Variants in LPP observed in about 807,000 individuals in gnomAD.
The protein encoded by LPP is lipoma-preferred partner.
A neutral mutation model predicts 60.4 loss-of-function variants in LPP; 38 were observed. That is an observed-to-expected ratio of 0.63 (90% confidence interval 0.49 to 0.83). The LOEUF (loss-of-function observed/expected upper bound fraction) is 0.83, where lower values mean the gene tolerates loss of function less well. Among genes scored for constraint, LPP ranks in the 40% least tolerant of loss-of-function variants. LPP has a pLI of 0.00. For missense variants in LPP, 902 were observed against 783.6 expected, an observed-to-expected ratio of 1.15 and a Z score of -1.80; for synonymous variants, 328 against 290.8, an observed-to-expected ratio of 1.13 and a Z score of -1.30.
intron 2 of LPP, chr3:188,240,307 T>A (rs565319371): frequency 6.0e-6 from 1 of 167,546 alleles, no homozygotes; most frequent in African/African-American, 2.4e-5. Flanking sequence ...CTAACAAGGT[T>A]GTTGACTGCA....
intron 2 of LPP, among the ~76,000 whole-genome samples, chr3:188,227,494 A>C (rs1173389638): frequency 6.6e-6 from 1 of 151,828 alleles, no homozygotes; most frequent in Non-Finnish European, 1.5e-5. Flanking sequence ...TTTTGTTGGG[A>C]GTGGCTTCCG....
chr3:188,876,211 C>T lies in LPP; in HGVS notation c.*1732C>T, dbSNP rs772514879. On this transcript the variant is annotated 3_prime_UTR_variant, in exon 12 of 12. Coordinates refer to ENST00000617246, the MANE Select transcript of LPP (RefSeq NM_001375462.1). ...TACGTGTTTTGAATTGCAAACTATTCCTCAGGAATTCCAATTAAATTTATT... is the reference window on the plus strand; with the variant it reads ...TACGTGTTTTGAATTGCAAACTATTTCTCAGGAATTCCAATTAAATTTATT... 5.4e-6 allele frequency: 1 copy of T among 186,126 alleles called. No individual in the cohort carries two copies. The highest frequency in any genetic ancestry group is 2.3e-5 in the African/African-American group (1 of 42,596). The allele number at this position is 186,126 out of a possible 1,614,324, so 11.5% of individuals were successfully genotyped here.
intron 3 of LPP, among the ~76,000 whole-genome samples, chr3:188,361,545 C>CCTCT (rs1560296422): frequency 1.6e-3 from 105 of 64,624 alleles, no homozygotes; most frequent in East Asian, 0.011. Flanking sequence ...TCCTCTCCTC[C>CCTCT]CCTCTCCTCT....
chr3:188,292,794 G>A (rs1433388037), intron 2 of LPP, among the ~76,000 whole-genome samples: 1 of 152,174 alleles, frequency 6.6e-6, no homozygotes. Flanking sequence ...TTATAAGGAG[G>A]CAGAAAGTGT....
chr3:188,622,476 T>C lies in LPP; in HGVS notation c.1113+12632T>C, dbSNP rs78817760. On this transcript the variant is annotated intron_variant, in intron 7 of 11. Coordinates refer to ENST00000617246, the MANE Select transcript of LPP (RefSeq NM_001375462.1). ...TATGGCATTACCACAGCCAAGCATA[T>C]ATTAGTTTCATAGTAATTTCTAGGG... Among the ~76,000 whole-genome samples, 803 of 152,294 alleles carry C rather than the reference T, an allele frequency of 5.3e-3. 2 individuals are homozygous for C. The highest frequency in any genetic ancestry group is 0.01 in the Middle Eastern group (3 of 294).
At chr3:188,573,746 C>T (rs562807726) in intron 6 of LPP, among the ~76,000 whole-genome samples, 87 of 151,914 alleles carry the variant, frequency 5.7e-4, no homozygotes, top group African/African-American at 1.9e-3. Flanking sequence ...CTTGGGGTTG[C>T]GGGGTATAGA....
chr3:188,264,715 C>T (rs1734844193), intron 2 of LPP, among the ~76,000 whole-genome samples: 3 of 152,138 alleles, frequency 2.0e-5, no homozygotes, highest in South Asian at 2.1e-4. Context: ...ATCGTTCTTT[C>T]GTCATTGTCC....
intron 9 of LPP, among the ~76,000 whole-genome samples, chr3:188,833,744 G>C (rs1223655520): frequency 6.6e-6 from 1 of 151,914 alleles, no homozygotes; most frequent in East Asian, 1.9e-4. Context: ...GAACCACCAA[G>C]AATTAAATTA....
At chr3:188,284,280 A>T (rs1236212509) in intron 2 of LPP, among the ~76,000 whole-genome samples, 1 of 152,022 alleles carries the variant, frequency 6.6e-6, no homozygotes, top group Non-Finnish European at 1.5e-5. Context: ...GGAAGTATTT[A>T]CTCAGAGAAA....
intron 11 of LPP, among the ~76,000 whole-genome samples, chr3:188,873,744 C>A (rs940181756): frequency 4.6e-5 from 7 of 152,154 alleles, no homozygotes. Context: ...CCTGGACTAG[C>A]AATCTTTGCT....
rs114659416 is a variant in LPP at position 188,884,853 on chromosome 3, C to G, written c.*10374C>G. On this transcript the variant is annotated 3_prime_UTR_variant, in exon 12 of 12. Transcript: ENST00000617246. The stretch of plus-strand genomic sequence containing the variant: ...CTGCAACAGGCATTTCCGATAGAGC[C>G]GATCCATGAGCTAACAATGTCTGAA... The G allele has an allele frequency of 3.5e-5, 8 of 225,534 alleles. No homozygotes were observed. The highest frequency in any genetic ancestry group is 7.1e-5 in the Non-Finnish European group (8 of 113,298). The allele number at this position is 225,534 out of a possible 1,614,324, so 14.0% of individuals were successfully genotyped here. A position where few individuals can be genotyped will look rare whatever the true frequency, so the allele number is the denominator to read the frequency against.
At chr3:188,398,444 C>T (rs1209912176) in intron 3 of LPP, among the ~76,000 whole-genome samples, 1 of 152,204 alleles carries the variant, frequency 6.6e-6, no homozygotes. Flanking sequence ...AAAGGTTTGG[C>T]ATTTCTGTAG....
At chr3:188,368,721 GA>G (rs1560306809) in intron 3 of LPP, among the ~76,000 whole-genome samples, 123 of 75,284 alleles carry the variant, frequency 1.6e-3, no homozygotes, top group Non-Finnish European at 3.0e-3. Flanking sequence ...CACACACACA[GA>G]GAGAGAGAGA....
At chr3:188,447,724 C>T (rs573693264) in intron 4 of LPP, among the ~76,000 whole-genome samples, 9 of 150,174 alleles carry the variant, frequency 6.0e-5, no homozygotes, top group African/African-American at 1.2e-4. Context: ...TGCAGTGAGC[C>T]GAGATCGCGC....
intron 3 of LPP, among the ~76,000 whole-genome samples, chr3:188,374,491 A>G (rs1482935502): frequency 6.6e-6 from 1 of 152,132 alleles, no homozygotes; most frequent in Non-Finnish European, 1.5e-5. Flanking sequence ...GAGTTCACTC[A>G]TGATTTGGCT....
In LPP at chr3:188,807,111, A is replaced by G. The variant is rs1334934950; in HGVS notation, c.1410+46829A>G. 2.8e-4 allele frequency among the ~76,000 whole-genome samples: 30 copies of G among 108,874 alleles called. No individual in the cohort carries two copies. In the Admixed American group the frequency reaches 3.2e-3, roughly 11 times the overall value. 71.4% of individuals were successfully genotyped at this position (108,874 alleles called of 152,430 possible). A position where few individuals can be genotyped will look rare whatever the true frequency, so the allele number is the denominator to read the frequency against. ...CATTTGAAAACTATTTTTACCAAGTAGAGAATTGGTTGGCCTTTTTCCTTT... is the reference window on the plus strand; with the variant it reads ...CATTTGAAAACTATTTTTACCAAGTGGAGAATTGGTTGGCCTTTTTCCTTT... On this transcript the variant is annotated intron_variant, in intron 9 of 11. Coordinates refer to ENST00000617246, the MANE Select transcript of LPP (RefSeq NM_001375462.1).
At chr3:188,517,373 C>T (rs2150101475) in intron 5 of LPP, among the ~76,000 whole-genome samples, 1 of 152,282 alleles carries the variant, frequency 6.6e-6, no homozygotes, top group South Asian at 2.1e-4. Context: ...AAAGATTGAT[C>T]TAACTTACAA....
intron 8 of LPP, among the ~76,000 whole-genome samples, chr3:188,756,187 A>G (rs1730166327): frequency 1.3e-5 from 2 of 152,146 alleles, no homozygotes; most frequent in Non-Finnish European, 2.9e-5. Flanking sequence ...GGTGAAGGAT[A>G]AGAAGAATTG....
rs900206018 is a variant in LPP, at chr3:188,881,030, C to T, written c.*6551C>T. Reference sequence around the variant, plus strand: ...TGGCGGGCGCCTGTAGTCCCAGCTACTCAGGAGGCTGAGGCAGGAGAATGG... The same window carrying T: ...TGGCGGGCGCCTGTAGTCCCAGCTATTCAGGAGGCTGAGGCAGGAGAATGG... On this transcript the variant is annotated 3_prime_UTR_variant, in exon 12 of 12. Coordinates refer to ENST00000617246, the MANE Select transcript of LPP (RefSeq NM_001375462.1). 6.2e-6 allele frequency: 1 copy of T among 160,554 alleles called. No individual in the cohort carries two copies. Among genetic ancestry groups the T allele is most frequent in the Admixed American group, 6.5e-5 (1 of 15,346 alleles). 9.9% of individuals were successfully genotyped at this position (160,554 alleles called of 1,614,324 possible). A position where few individuals can be genotyped will look rare whatever the true frequency, so the allele number is the denominator to read the frequency against.
Sources: allele counts gnomAD v4.1 joint callset (sites outside exome capture counted in the v4.1 genomes callset), GRCh38; gene constraint gnomAD v4.1.1; transcripts MANE v1.5; gene names NCBI Gene and HGNC (gene_info 2026-07-23, HGNC 2026-07-21).